TAF1B: variants seen among roughly 807,000 people sequenced by gnomAD.
TAF1B encodes the protein TATA box-binding protein-associated factor RNA polymerase I subunit B.
In TAF1B, 61 loss-of-function variants were observed where a neutral mutation model predicts 83.9. That is an observed-to-expected ratio of 0.73 (90% CI 0.59 to 0.90). TAF1B has a LOEUF of 0.90. TAF1B is among the 40% of genes least tolerant of loss of function. The pLI, the probability that TAF1B is intolerant of heterozygous loss-of-function variation, is 0.00. For synonymous variants in TAF1B, 221 were observed against 224.6 expected, an observed-to-expected ratio of 0.98 and a Z score of 0.14; for missense variants, 625 against 677.0, an observed-to-expected ratio of 0.92 and a Z score of 0.85.
chr2:9,895,336 C>CA (rs567185861), intron 8 of TAF1B, among the ~76,000 whole-genome samples: 1,634 of 151,994 alleles, frequency 0.011, 28 homozygotes, highest in African/African-American at 0.037. Context: ...TCTGGCTCTA[C>CA]AAAAAAACAC....
intron 8 of TAF1B, among the ~76,000 whole-genome samples, chr2:9,899,528 A>G (rs1047927108): frequency 6.6e-6 from 1 of 152,148 alleles, no homozygotes; most frequent in African/African-American, 2.4e-5. Flanking sequence ...CCTTTTGGCT[A>G]TTGTGAGCAG....
At chr2:9,883,943 T>C (rs1664587332) in intron 8 of TAF1B, among the ~76,000 whole-genome samples, 1 of 152,248 alleles carries the variant, frequency 6.6e-6, no homozygotes, top group Non-Finnish European at 1.5e-5. Context: ...CGGTGGCATC[T>C]TTGCCCAAGT....
intron 13 of TAF1B, 60 bp downstream of exon 13, chr2:9,919,171 A>G: frequency 1.4e-6 from 2 of 1,411,458 alleles, no homozygotes; most frequent in East Asian, 2.3e-5. Flanking sequence ...AAAATTAAAT[A>G]TCTGGACTTG....
At chr2:9,851,929 A>G (rs1423394193) in intron 4 of TAF1B, 6 of 545,414 alleles carry the variant, frequency 1.1e-5, no homozygotes, top group South Asian at 7.7e-5. Flanking sequence ...GGGGTTTATT[A>G]GTACCTTTTG....
At chr2:9,908,903 G>T (rs976243512) in intron 9 of TAF1B, among the ~76,000 whole-genome samples, 1 of 152,306 alleles carries the variant, frequency 6.6e-6, no homozygotes. Flanking sequence ...AGGACTTGAG[G>T]AAGAGGACTG....
chr2:9,851,909 A>G (rs578101710), intron 4 of TAF1B: 9 of 582,752 alleles, frequency 1.5e-5, no homozygotes, highest in African/African-American at 1.1e-4. Flanking sequence ...GTAAAACTCA[A>G]ATAACTTTGG....
chr2:9,905,450 A>G (rs1665311749), intron 9 of TAF1B, among the ~76,000 whole-genome samples: 1 of 152,212 alleles, frequency 6.6e-6, no homozygotes, highest in Non-Finnish European at 1.5e-5. Context: ...GTTGCTTGGT[A>G]ATATATCCAG....
chr2:9,851,569 A>G lies in TAF1B; in HGVS notation c.234A>G (p.Glu78=). 6.2e-7 allele frequency: 1 copy of G among 1,612,142 alleles called. No individual in the cohort carries two copies. The highest frequency in any genetic ancestry group is 8.5e-7 in the Non-Finnish European group (1 of 1,179,408). ...TEKGWDWYVC[E]GFQYILYQQA... ...AAGGCTGGGATTGGTATGTGTGTGA[A>G]GGTTTCCAGTATATTCTTTATCAAC... The change falls in exon 4 of 15, where the codon GAA becomes GAG. Residue 78 remains glutamate (E), a synonymous_variant. Coordinates refer to ENST00000263663, the MANE Select transcript of TAF1B (RefSeq NM_005680.3).
intron 2 of TAF1B, among the ~76,000 whole-genome samples, chr2:9,848,077 T>G (rs1663265471): frequency 6.6e-6 from 1 of 152,254 alleles, no homozygotes; most frequent in Admixed American, 6.5e-5. Context: ...GTACAGATTT[T>G]AAGTCTTTTT....
intron 5 of TAF1B, among the ~76,000 whole-genome samples, chr2:9,864,489 C>T (rs895963821): frequency 2.0e-5 from 3 of 152,160 alleles, no homozygotes; most frequent in African/African-American, 4.8e-5. Context: ...GATGGATTCA[C>T]AGCCGAATTC....
intron 9 of TAF1B, among the ~76,000 whole-genome samples, chr2:9,909,449 A>C (rs62128576): frequency 0.041 from 6,278 of 152,354 alleles, 227 homozygotes; most frequent in Non-Finnish European, 0.063. Flanking sequence ...TGGGGGAAAG[A>C]AACTGGCTTT....
At chr2:9,902,760 T>C (rs1039849255) in intron 8 of TAF1B, among the ~76,000 whole-genome samples, 1 of 152,226 alleles carries the variant, frequency 6.6e-6, no homozygotes, top group Non-Finnish European at 1.5e-5. Context: ...TATACATAGC[T>C]AGGAGTAGAA....
intron 8 of TAF1B, among the ~76,000 whole-genome samples, chr2:9,894,389 A>T (rs1286560633): frequency 6.6e-6 from 1 of 152,196 alleles, no homozygotes; most frequent in South Asian, 2.1e-4. Flanking sequence ...AATTTAAAGA[A>T]AAAACATTCT....
intron 8 of TAF1B, among the ~76,000 whole-genome samples, chr2:9,888,790 G>GGTTTTTTTTTT (rs753209727): frequency 1.2e-5 from 1 of 81,668 alleles, no homozygotes; most frequent in South Asian, 3.7e-4. Flanking sequence ...CTTCTGCTTG[G>GGTTTTTTTTTT]TTTTTTTTTT....
chr2:9,904,775 A>G, intron 8 of TAF1B, 84 bp from the exon 9 acceptor site: 1 of 1,338,412 alleles, frequency 7.5e-7, no homozygotes, highest in South Asian at 1.3e-5. Context: ...CTTTTTAATA[A>G]TAGCCATTCT....
At chr2:9,905,133 A>T (rs1256088810) in intron 9 of TAF1B, 127 bp downstream of exon 9, 2 of 722,788 alleles carry the variant, frequency 2.8e-6, no homozygotes, top group Non-Finnish European at 4.3e-6. Flanking sequence ...ATGAAACTTA[A>T]TGTCAAAATC....
At chr2:9,881,573 A>G (rs1341363071) in intron 7 of TAF1B, among the ~76,000 whole-genome samples, 2 of 151,980 alleles carry the variant, frequency 1.3e-5, no homozygotes, top group Non-Finnish European at 2.9e-5. Flanking sequence ...ATTTCACTCT[A>G]CCTAACATAC....
chr2:9,923,257 T>A (rs866864919), intron 14 of TAF1B, among the ~76,000 whole-genome samples: 3 of 147,242 alleles, frequency 2.0e-5, no homozygotes, highest in Admixed American at 6.8e-5. Flanking sequence ...AAAAAAAAAA[T>A]TATTTCTTAA....
In TAF1B at chr2:9,843,553, G is replaced by A. The variant is rs763266367; in HGVS notation, c.12G>A (p.Glu4=). The A allele has an allele frequency of 2.0e-6, 3 of 1,530,196 alleles. No individual in the cohort carries two copies. Among genetic ancestry groups the A allele is most frequent in the Non-Finnish European group, 2.6e-6 (3 of 1,136,682 alleles). The allele number at this position is 1,530,196 out of a possible 1,614,324, so 94.8% of individuals were successfully genotyped here. Reference sequence around the variant, plus strand: ...CCCGCGGCGCCGCGATGGACCTCGAGGAGGCGGTAAGGAGGCGGTGCACCT... The same window carrying A: ...CCCGCGGCGCCGCGATGGACCTCGAAGAGGCGGTAAGGAGGCGGTGCACCT... MDL[E]EAEEFKERCT... is the part of the protein sequence containing the mutation. Residue 4 remains glutamate (E), a synonymous_variant, in exon 1 of 15, where the codon GAG becomes GAA. Coordinates refer to ENST00000263663, the MANE Select transcript of TAF1B (RefSeq NM_005680.3).
Sources: gnomAD v4.1 joint callset for allele counts (sites outside exome capture counted in the v4.1 genomes callset) on GRCh38, gnomAD v4.1.1 for gene constraint, MANE v1.5 for transcripts, NCBI Gene and HGNC (gene_info 2026-07-23, HGNC 2026-07-21) for gene names.